CLVS1: variants seen among roughly 807,000 people sequenced by gnomAD.
CLVS1 encodes clavesin 1.
CLVS1 carries 10 observed loss-of-function variants against 33.1 expected under a neutral mutation model. The observed-to-expected ratio is 0.30, with a 90% CI of 0.19 to 0.51. The LOEUF (loss-of-function observed/expected upper bound fraction) is 0.51, where lower values mean the gene tolerates loss of function less well. Ranked by LOEUF, CLVS1 falls within the 20% of genes least tolerant of loss-of-function variation. The pLI is 0.97. For missense variants in CLVS1, 343 were observed against 433.4 expected (o/e 0.79, Z 1.85); for synonymous variants, 163 against 166.1 (o/e 0.98, Z 0.14).
the CLVS1 span, among the ~76,000 whole-genome samples, chr8:61,043,722 G>A: frequency 6.6e-6 from 1 of 152,198 alleles, no homozygotes; most frequent in African/African-American, 2.4e-5. Context: ...GACCTGGATT[G>A]ACTGGGCATT....
At chr8:61,046,690 G>C in the CLVS1 span, among the ~76,000 whole-genome samples, 1 of 152,072 alleles carries the variant, frequency 6.6e-6, no homozygotes, top group African/African-American at 2.4e-5. Flanking sequence ...AGTTCTCCTT[G>C]AAGAGGTCCT....
intron 1 of CLVS1, among the ~76,000 whole-genome samples, chr8:61,288,754 A>G (rs562025510): frequency 4.3e-4 from 66 of 152,328 alleles, no homozygotes; most frequent in African/African-American, 1.4e-3. Context: ...TGGTTTTCCA[A>G]TGGAGAATCA....
intron 1 of CLVS1, among the ~76,000 whole-genome samples, chr8:61,117,534 G>A (rs1273838341): frequency 3.1e-4 from 47 of 149,864 alleles, no homozygotes; most frequent in African/African-American, 1.1e-3. Context: ...TTATTATTTT[G>A]AAATACATCC....
At chr8:61,307,055 T>C (rs1810654704) in intron 2 of CLVS1, among the ~76,000 whole-genome samples, 1 of 152,172 alleles carries the variant, frequency 6.6e-6, no homozygotes, top group Non-Finnish European at 1.5e-5. Flanking sequence ...AAGAAATGAA[T>C]GGGGGGTTGT....
At chr8:61,192,667 T>G (rs576328408) in intron 2 of CLVS1, among the ~76,000 whole-genome samples, 1 of 151,878 alleles carries the variant, frequency 6.6e-6, no homozygotes, top group East Asian at 1.9e-4. Context: ...TCAAACAAAT[T>G]TACAAGAAAA....
At chr8:61,346,297 C>T (rs1429918051) in intron 2 of CLVS1, among the ~76,000 whole-genome samples, 1 of 152,084 alleles carries the variant, frequency 6.6e-6, no homozygotes. Context: ...GAAGCCAGGG[C>T]TGAGAAGCAC....
At chr8:61,129,527 A>T (rs1056624574) in intron 1 of CLVS1, among the ~76,000 whole-genome samples, 4 of 152,354 alleles carry the variant, frequency 2.6e-5, no homozygotes, top group African/African-American at 9.6e-5. Context: ...TATAGTCTAG[A>T]TAGCTTATAA....
At chr8:61,499,380 G>T (rs28513289) in intron 5 of CLVS1, 75 bp from the exon 6 acceptor site, 4 of 970,264 alleles carry the variant, frequency 4.1e-6, no homozygotes, top group Non-Finnish European at 4.9e-6. Context: ...TATAAAATCC[G>T]GATGTCTTCA....
intron 2 of CLVS1, among the ~76,000 whole-genome samples, chr8:61,262,026 ATT>A (rs1421137078): frequency 2.3e-5 from 2 of 87,908 alleles, no homozygotes; most frequent in African/African-American, 4.4e-5. Flanking sequence ...GTGTGTGTGT[ATT>A]TTTTGGAGAC....
intron 3 of CLVS1, among the ~76,000 whole-genome samples, chr8:61,439,160 C>T (rs1328510581): frequency 6.6e-6 from 1 of 152,168 alleles, no homozygotes; most frequent in Admixed American, 6.5e-5. Context: ...CAGGTTGCAT[C>T]ATATGAAGCA....
chr8:61,088,906 A>G (rs1805179076), intron 1 of CLVS1, among the ~76,000 whole-genome samples: 1 of 150,578 alleles, frequency 6.6e-6, no homozygotes, highest in Non-Finnish European at 1.5e-5. Context: ...GGTTCACGCC[A>G]TTCTCCTGCC....
chr8:61,408,106 C>T (rs1483538808), intron 3 of CLVS1, among the ~76,000 whole-genome samples: 1 of 152,136 alleles, frequency 6.6e-6, no homozygotes, highest in Non-Finnish European at 1.5e-5. Context: ...CAGGGCCCTG[C>T]CCTTCTGGAG....
At chr8:61,037,878 C>T in the CLVS1 span, among the ~76,000 whole-genome samples, 176 of 152,264 alleles carry the variant, frequency 1.2e-3, 1 homozygote, top group Non-Finnish European at 1.7e-3. Flanking sequence ...AACAGCAGGA[C>T]GCACTGAGAG....
At chr8:61,212,090 C>T (rs778837872) in intron 2 of CLVS1, among the ~76,000 whole-genome samples, 6 of 152,160 alleles carry the variant, frequency 3.9e-5, no homozygotes, top group African/African-American at 7.2e-5. Context: ...ATAATAAATT[C>T]GTGTTGTTTT....
chr8:61,212,062 C>T (rs1719436514), intron 2 of CLVS1, among the ~76,000 whole-genome samples: 1 of 152,166 alleles, frequency 6.6e-6, no homozygotes, highest in Non-Finnish European at 1.5e-5. Context: ...ATCAGACTTC[C>T]CACCCCCAGA....
chr8:61,164,271 A>G (rs1257850117), intron 2 of CLVS1, among the ~76,000 whole-genome samples: 1 of 152,142 alleles, frequency 6.6e-6, no homozygotes, highest in East Asian at 1.9e-4. Flanking sequence ...TCTCATTGCT[A>G]TTATAGGAGT....
chr8:61,146,823 T>C (rs894111630), intron 2 of CLVS1, among the ~76,000 whole-genome samples: 5 of 152,148 alleles, frequency 3.3e-5, no homozygotes, highest in Non-Finnish European at 7.4e-5. Flanking sequence ...TCCATACACA[T>C]GTAAATAAAT....
chr8:61,193,096 A>G (rs541459704), intron 2 of CLVS1, among the ~76,000 whole-genome samples: 2 of 152,310 alleles, frequency 1.3e-5, no homozygotes, highest in Non-Finnish European at 2.9e-5. Flanking sequence ...CACTATTCAC[A>G]ATAGCAAAGA....
the CLVS1 span, among the ~76,000 whole-genome samples, chr8:60,978,564 C>T: frequency 6.6e-6 from 1 of 151,982 alleles, no homozygotes; most frequent in Non-Finnish European, 1.5e-5. Context: ...CCTGTAATCC[C>T]AGCACTTTGG....
Sources: allele counts gnomAD v4.1 joint callset (sites outside exome capture counted in the v4.1 genomes callset), GRCh38; gene constraint gnomAD v4.1.1; transcripts MANE v1.5; gene names NCBI Gene and HGNC (gene_info 2026-07-23, HGNC 2026-07-21).